Variants in NAF1 observed in about 807,000 individuals in gnomAD.
NAF1 encodes nuclear assembly factor 1 ribonucleoprotein, also known as H/ACA ribonucleoprotein complex non-core subunit NAF1.
A neutral mutation model predicts 40.6 loss-of-function variants in NAF1; 11 were observed. That is an observed-to-expected ratio of 0.27 (90% CI 0.17 to 0.45). The LOEUF is 0.45. NAF1 is among the 20% of genes least tolerant of loss of function. The probability of loss-of-function intolerance (pLI) is 1.00; values close to 1 mark genes in which losing one functional copy is unlikely to be tolerated. For missense variants in NAF1, 607 were observed against 611.1 expected (o/e 0.99, Z 0.07); for synonymous variants, 260 against 228.5 (o/e 1.14, Z -1.24).
At chr4:163,162,057 C>A (rs1009103932) in intron 2 of NAF1, among the ~76,000 whole-genome samples, 3 of 151,620 alleles carry the variant, frequency 2.0e-5, no homozygotes, top group Admixed American at 1.3e-4. Flanking sequence ...GCCAAGCAAT[C>A]TGAATACCCA....
intron 6 of NAF1, chr4:163,136,313 C>G (rs535014828): frequency 8.9e-4 from 133 of 149,586 alleles, no homozygotes; most frequent in African/African-American, 3.1e-3. Context: ...ACACTGAGAC[C>G]CCCATGTCTA....
downstream of NAF1, among the ~76,000 whole-genome samples, chr4:163,124,251 A>G (rs1276219064): frequency 1.3e-5 from 2 of 152,208 alleles, no homozygotes; most frequent in Non-Finnish European, 2.9e-5. Context: ...AGGCATTAGC[A>G]GGTTTAGTGT....
intron 2 of NAF1, among the ~76,000 whole-genome samples, chr4:163,150,138 C>T (rs1214769819): frequency 3.3e-5 from 5 of 152,014 alleles, no homozygotes; most frequent in Non-Finnish European, 7.4e-5. Context: ...GCAGGAAAGG[C>T]CCCTGGTTTT....
Position 163,164,208 on chromosome 4 carries a change from A to G in NAF1, c.540+9T>C, listed in dbSNP as rs1303313486. Reference sequence around the variant, plus strand: ...ATGCAAACTAAGCTTAATAAATCTAAGTACTTACATTAAGAAGTAATTCAT... The same window carrying G: ...ATGCAAACTAAGCTTAATAAATCTAGGTACTTACATTAAGAAGTAATTCAT... On this transcript the variant is annotated intron_variant, in intron 2 of 7. Coordinates refer to ENST00000274054, the MANE Select transcript of NAF1 (RefSeq NM_138386.3). 2.0e-6 allele frequency: 3 copies of G among 1,517,906 alleles called. No individual in the cohort carries two copies. The highest frequency in any genetic ancestry group is 2.6e-6 in the Non-Finnish European group (3 of 1,134,644). 94.0% of individuals were successfully genotyped at this position (1,517,906 alleles called of 1,614,324 possible). A position where few individuals can be genotyped will look rare whatever the true frequency, so the allele number is the denominator to read the frequency against.
chr4:163,130,333 ATAT>A (rs1356523196), intron 7 of NAF1, among the ~76,000 whole-genome samples: 4 of 152,224 alleles, frequency 2.6e-5, no homozygotes, highest in Non-Finnish European at 4.4e-5. Flanking sequence ...CTTCAACAAG[ATAT>A]TATGAACATT....
At chr4:163,137,907 A>G (rs1397901700) in intron 5 of NAF1, among the ~76,000 whole-genome samples, 3 of 152,194 alleles carry the variant, frequency 2.0e-5, no homozygotes, top group Non-Finnish European at 4.4e-5. Flanking sequence ...GAAAATCAAC[A>G]ACTTTTGGTG....
downstream of NAF1, chr4:163,127,076 C>T (rs1730680303): frequency 6.4e-7 from 1 of 1,551,500 alleles, no homozygotes; most frequent in African/African-American, 1.4e-5. Flanking sequence ...CTGCAATGGT[C>T]TGGATCCGAG....
At chr4:163,133,425 A>G (rs1413867725) in intron 6 of NAF1, 169 bp from the exon 7 acceptor site, 1 of 549,004 alleles carries the variant, frequency 1.8e-6, no homozygotes, top group African/African-American at 1.9e-5. Flanking sequence ...GTATAAAAAT[A>G]AAGCATTTTT....
downstream of NAF1, chr4:163,127,068 G>A (rs532550872): frequency 1.4e-4 from 210 of 1,551,682 alleles, 1 homozygote; most frequent in South Asian, 2.4e-3. Context: ...TCACTTGACT[G>A]CAATGGTCTG....
downstream of NAF1, among the ~76,000 whole-genome samples, chr4:163,106,498 G>C (rs1348534732): frequency 6.6e-6 from 1 of 152,004 alleles, no homozygotes; most frequent in Non-Finnish European, 1.5e-5. Context: ...TATTTCATTG[G>C]ACAACACTAG....
At chr4:163,165,836 GTT>G (rs1231003204) in intron 1 of NAF1, among the ~76,000 whole-genome samples, 6 of 152,244 alleles carry the variant, frequency 3.9e-5, no homozygotes, top group African/African-American at 1.4e-4. Flanking sequence ...AAATAACACT[GTT>G]TGGCTACTTT....
chr4:163,165,433 T>C (rs992338167), intron 1 of NAF1, among the ~76,000 whole-genome samples: 1 of 152,224 alleles, frequency 6.6e-6, no homozygotes, highest in Non-Finnish European at 1.5e-5. Context: ...TTTTCTTTGC[T>C]AGTAAAATGA....
At chr4:163,161,290 T>G (rs1340955496) in intron 2 of NAF1, among the ~76,000 whole-genome samples, 1 of 152,048 alleles carries the variant, frequency 6.6e-6, no homozygotes, top group Non-Finnish European at 1.5e-5. Context: ...CTGGCCAACA[T>G]GGCAAAACCC....
At chr4:163,108,341 T>C (rs377139685), downstream of NAF1, among the ~76,000 whole-genome samples, 18 of 152,328 alleles carry the variant, frequency 1.2e-4, no homozygotes, top group East Asian at 2.5e-3. Flanking sequence ...GGTACATCTT[T>C]AACTTTCCAA....
intron 2 of NAF1, among the ~76,000 whole-genome samples, chr4:163,116,217 T>C (rs1388667473): frequency 6.6e-6 from 1 of 152,242 alleles, no homozygotes. Context: ...AAAAATGTTA[T>C]GAAGTTTTAA....
intron 4 of NAF1, among the ~76,000 whole-genome samples, chr4:163,143,786 A>G (rs1731353762): frequency 6.6e-6 from 1 of 152,214 alleles, no homozygotes; most frequent in Non-Finnish European, 1.5e-5. Context: ...CTAAACTGCC[A>G]AAGGAGAAAG....
chr4:163,154,708 TA>T (rs372982866), intron 2 of NAF1, among the ~76,000 whole-genome samples: 1,695 of 151,856 alleles, frequency 0.011, 31 homozygotes, highest in African/African-American at 0.039. Context: ...CCATCTCTAC[TA>T]AAAATACAAA....
intron 2 of NAF1, among the ~76,000 whole-genome samples, chr4:163,116,353 A>G (rs1560776572): frequency 6.6e-6 from 1 of 152,104 alleles, no homozygotes; most frequent in Non-Finnish European, 1.5e-5. Context: ...AAGTGTTATC[A>G]CTGAGTTAAC....
At chr4:163,137,478 G>A (rs1465339774) in intron 5 of NAF1, among the ~76,000 whole-genome samples, 1 of 152,122 alleles carries the variant, frequency 6.6e-6, no homozygotes, top group Non-Finnish European at 1.5e-5. Flanking sequence ...GGAATGAGAA[G>A]CCAAGGCTAT....
Sources: gnomAD v4.1 joint callset for allele counts (sites outside exome capture counted in the v4.1 genomes callset) on GRCh38, gnomAD v4.1.1 for gene constraint, MANE v1.5 for transcripts, NCBI Gene and HGNC (gene_info 2026-07-23, HGNC 2026-07-21) for gene names.